Variants in RAD51B observed in about 807,000 individuals in gnomAD.
RAD51B encodes the protein DNA repair protein RAD51 homolog 2.
RAD51B carries 38 observed loss-of-function variants against 42.2 expected under a neutral mutation model. That is an observed-to-expected ratio of 0.90 (90% confidence interval 0.70 to 1.18). The LOEUF (loss-of-function observed/expected upper bound fraction) is 1.18, where lower values mean the gene tolerates loss of function less well. RAD51B is among the 50% of genes most tolerant of loss of function. The pLI is 0.00. For synonymous variants in RAD51B, 154 were observed against 145.2 expected, an observed-to-expected ratio of 1.06 and a Z score of -0.43; for missense variants, 373 against 400.7, an observed-to-expected ratio of 0.93 and a Z score of 0.59.
chr14:68,002,422 C>T (rs929549907), intron 7 of RAD51B, among the ~76,000 whole-genome samples: 2 of 151,914 alleles, frequency 1.3e-5, no homozygotes, highest in Non-Finnish European at 2.9e-5. Flanking sequence ...CTTGTAGATG[C>T]TGGATGTTAG....
chr14:68,639,146 G>A (rs1473295313), intron 10 of RAD51B, among the ~76,000 whole-genome samples: 1 of 152,212 alleles, frequency 6.6e-6, no homozygotes, highest in Non-Finnish European at 1.5e-5. Flanking sequence ...AGGGGTCTGA[G>A]TTAGGTAAGG....
intron 7 of RAD51B, among the ~76,000 whole-genome samples, chr14:68,190,841 A>G (rs1023156346): frequency 7.2e-5 from 11 of 152,188 alleles, no homozygotes; most frequent in African/African-American, 2.4e-4. Flanking sequence ...TCTAGAAGCT[A>G]GCATTTTATC....
At chr14:68,410,543 G>A (rs554042783) in intron 8 of RAD51B, among the ~76,000 whole-genome samples, 1 of 152,248 alleles carries the variant, frequency 6.6e-6, no homozygotes, top group South Asian at 2.1e-4. Context: ...GCCAAAGTTG[G>A]TTCAGAGGAG....
intron 7 of RAD51B, 93 bp downstream of exon 7, chr14:67,887,297 G>A (rs1269132594): frequency 3.5e-6 from 4 of 1,133,750 alleles, no homozygotes; most frequent in Non-Finnish European, 5.0e-6. Flanking sequence ...AATAAAATTA[G>A]AGGAAAATGT....
intron 9 of RAD51B, among the ~76,000 whole-genome samples, chr14:68,430,554 G>A (rs1324988038): frequency 6.6e-6 from 1 of 152,174 alleles, no homozygotes; most frequent in African/African-American, 2.4e-5. Context: ...CGGTTTGTCT[G>A]TTATTGGTGT....
At chr14:68,180,765 G>A (rs2079047801) in intron 7 of RAD51B, among the ~76,000 whole-genome samples, 1 of 152,178 alleles carries the variant, frequency 6.6e-6, no homozygotes, top group African/African-American at 2.4e-5. Context: ...GACTGGGTGA[G>A]CTCTGTGCTG....
intron 9 of RAD51B, chr14:68,422,131 G>A (rs990866261): frequency 1.3e-5 from 18 of 1,422,742 alleles, no homozygotes; most frequent in African/African-American, 5.6e-5. Flanking sequence ...CAAACAGCTC[G>A]AAGGAGACAT....
rs1215844710 is a variant in RAD51B at position 68,160,616 on chromosome 14, A to G, written c.757-131268A>G. 2.0e-5 allele frequency among the ~76,000 whole-genome samples: 3 copies of G among 152,200 alleles called. 1 individual carries two copies. Among genetic ancestry groups the G allele is most frequent in the Non-Finnish European group, 2.9e-5 (2 of 68,036 alleles). On this transcript the variant is annotated intron_variant, in intron 7 of 10. Transcript: ENST00000471583. ...GGGATTAATTTTGATTTTTTAAAAT[A>G]TTGCATTAAATATTATATCTTGACT...
intron 7 of RAD51B, among the ~76,000 whole-genome samples, chr14:68,259,447 A>G (rs1409815769): frequency 2.0e-5 from 3 of 152,136 alleles, no homozygotes; most frequent in Non-Finnish European, 2.9e-5. Context: ...AACTTAAAGT[A>G]TAATAATAAT....
At chr14:68,282,248 G>A (rs1475328809) in intron 7 of RAD51B, among the ~76,000 whole-genome samples, 2 of 152,286 alleles carry the variant, frequency 1.3e-5, no homozygotes, top group South Asian at 2.1e-4. Flanking sequence ...CTCCCAAAAT[G>A]CTGGGATTAC....
intron 7 of RAD51B, among the ~76,000 whole-genome samples, chr14:68,262,276 G>A (rs2080905995): frequency 6.6e-6 from 1 of 152,136 alleles, no homozygotes; most frequent in Non-Finnish European, 1.5e-5. Flanking sequence ...TTGTTTTGTG[G>A]CTGGGGCAGT....
Position 67,824,157 on chromosome 14 carries a change from C to T in RAD51B, c.84+530C>T, listed in dbSNP as rs149790645. On this transcript the variant is annotated intron_variant, in intron 2 of 10. Coordinates refer to ENST00000471583, the MANE Select transcript of RAD51B (RefSeq NM_133510.4). ...CCCCAGCTGATCTTGAACTCCTGGC[C>T]TTAAGCAATCCTCCAGCCTCAACTC... 8.5e-4 allele frequency among the ~76,000 whole-genome samples: 129 copies of T among 152,346 alleles called. 1 individual carries two copies. In the East Asian group the frequency reaches 0.022, roughly 26 times the overall value.
intron 7 of RAD51B, among the ~76,000 whole-genome samples, chr14:68,122,182 C>T (rs913531575): frequency 2.0e-5 from 3 of 152,036 alleles, no homozygotes; most frequent in Admixed American, 6.5e-5. Flanking sequence ...ATTAGAAAGT[C>T]TTTTCAAGTA....
intron 8 of RAD51B, among the ~76,000 whole-genome samples, chr14:68,359,433 T>C (rs1244683108): frequency 6.6e-6 from 1 of 151,652 alleles, no homozygotes; most frequent in Non-Finnish European, 1.5e-5. Context: ...ATCACTGGGG[T>C]TGGAGGAGGG....
chr14:67,833,764 G>A (rs1487973895), intron 3 of RAD51B, among the ~76,000 whole-genome samples: 6 of 152,200 alleles, frequency 3.9e-5, no homozygotes, highest in African/African-American at 1.4e-4. Context: ...AAGTGAAACC[G>A]TGGATAAGGG....
Position 68,122,643 on chromosome 14 carries a change from C to G in RAD51B, c.757-169241C>G, listed in dbSNP as rs149826067. Among the ~76,000 whole-genome samples the G allele has an allele frequency of 5.0e-3, 761 of 152,256 alleles. 4 individuals are homozygous for G. Among genetic ancestry groups the G allele is most frequent in the African/African-American group, 0.017 (719 of 41,560 alleles). On this transcript the variant is annotated intron_variant, in intron 7 of 10. Coordinates refer to ENST00000471583, the MANE Select transcript of RAD51B (RefSeq NM_133510.4). ...TGTGAAGGCCAATCTATAAAAAAAA[C>G]TTAAATGCATGTATCCTTTGACTAA... is the stretch of plus-strand genomic sequence containing the variant.
intron 10 of RAD51B, among the ~76,000 whole-genome samples, chr14:68,644,857 A>G (rs1892533431): frequency 6.6e-6 from 1 of 152,182 alleles, no homozygotes; most frequent in African/African-American, 2.4e-5. Context: ...ATAACCTATA[A>G]TATCAGTACT....
chr14:68,301,698 G>A lies in RAD51B; in HGVS notation c.853+9718G>A, dbSNP rs368149695. Among the ~76,000 whole-genome samples, 54 of 146,550 alleles carry A rather than the reference G, an allele frequency of 3.7e-4. No individual in the cohort carries two copies. The East Asian group carries it at 5.9e-3, about 16-fold the overall frequency. ...TGCAACCTCCACCTCCCACACTCAA[G>A]CAATTCCCATGCCTCAGCCTCCTGA... On this transcript the variant is annotated intron_variant, in intron 8 of 10. Transcript: ENST00000471583.
In RAD51B at chr14:68,110,333, A is replaced by C. The variant is rs2077440896; in HGVS notation, c.757-181551A>C. On this transcript the variant is annotated intron_variant, in intron 7 of 10. Coordinates refer to ENST00000471583, the MANE Select transcript of RAD51B (RefSeq NM_133510.4). ...GTTATCTGTGTCAAAAGGAACTGAA[A>C]GGTGTTCATACTGTTCCACAATCCC... Among the ~76,000 whole-genome samples, 4 of 151,948 alleles carry C rather than the reference A, an allele frequency of 2.6e-5. No homozygotes were observed. In the South Asian group the frequency reaches 8.3e-4, roughly 32 times the overall value.
Sources: gnomAD v4.1 joint callset for allele counts (sites outside exome capture counted in the v4.1 genomes callset) on GRCh38, gnomAD v4.1.1 for gene constraint, MANE v1.5 for transcripts, NCBI Gene and HGNC (gene_info 2026-07-23, HGNC 2026-07-21) for gene names.